The following DENND11 variants were observed in gnomAD, a reference collection of about 807,000 sequenced individuals.
DENND11 encodes DENN domain containing 11.
Under a neutral mutation model 49.2 loss-of-function variants are expected in DENND11, and 34 were observed. The observed-to-expected ratio is 0.69, with a 90% CI of 0.53 to 0.92. The LOEUF is 0.92. Ranked by LOEUF, DENND11 falls within the 40% of genes least tolerant of loss-of-function variation. The pLI is 0.00. For synonymous variants in DENND11, 238 were observed against 230.3 expected, an observed-to-expected ratio of 1.03 and a Z score of -0.30; for missense variants, 475 against 581.6, an observed-to-expected ratio of 0.82 and a Z score of 1.88.
chr7:141,695,197 G>A (rs1005957841), intron 1 of DENND11, among the ~76,000 whole-genome samples: 1 of 151,912 alleles, frequency 6.6e-6, no homozygotes, highest in Non-Finnish European at 1.5e-5. Flanking sequence ...TATATTTCAT[G>A]TTATAGGGGA....
chr7:141,664,720 C>T (rs895006460), intron 7 of DENND11, among the ~76,000 whole-genome samples, 184 bp downstream of exon 7: 2 of 152,190 alleles, frequency 1.3e-5, no homozygotes, highest in Non-Finnish European at 2.9e-5. Context: ...ATCAGGGCAG[C>T]ATACAGGGAG....
At chr7:141,670,964 C>T (rs1562997154) in intron 4 of DENND11, among the ~76,000 whole-genome samples, 1 of 152,158 alleles carries the variant, frequency 6.6e-6, no homozygotes, top group Non-Finnish European at 1.5e-5. Context: ...CCTGCAAATA[C>T]CAAGGAATGA....
intron 7 of DENND11, 45 bp from the exon 8 acceptor site, chr7:141,664,285 C>G (rs757896935): frequency 6.7e-7 from 1 of 1,495,814 alleles, no homozygotes. Flanking sequence ...GTACCAGGAC[C>G]GCAGTCACAG....
Position 141,666,267 on chromosome 7 carries a change from T to G in DENND11, c.820+20A>C. ...GCTCCAGGGATTTAAGCAGCACTCCTGACTCTGGCTTCTGGTTACCTCTAT... is the reference window on the plus strand; with the variant it reads ...GCTCCAGGGATTTAAGCAGCACTCCGGACTCTGGCTTCTGGTTACCTCTAT... On this transcript the variant is annotated intron_variant, in intron 5 of 8. Transcript: ENST00000536163. 6.3e-7 allele frequency: 1 copy of G among 1,580,554 alleles called. No homozygotes were observed. Among genetic ancestry groups the G allele is most frequent in the Non-Finnish European group, 8.6e-7 (1 of 1,157,834 alleles).
chr7:141,662,379 G>C lies in DENND11; in HGVS notation c.*277C>G, dbSNP rs919862235. ...TTCCAGAGCTCAGCCTACTCCTAGT[G>C]ATACAACTCCCATGACCAAGCCCAG... On this transcript the variant is annotated 3_prime_UTR_variant, in exon 9 of 9. Coordinates refer to ENST00000536163, the MANE Select transcript of DENND11 (RefSeq NM_001080392.2). 2.9e-5 allele frequency: 11 copies of C among 372,960 alleles called. No individual in the cohort carries two copies. The highest frequency in any genetic ancestry group is 5.2e-5 in the Non-Finnish European group (11 of 210,326). 23.1% of individuals were successfully genotyped at this position (372,960 alleles called of 1,614,324 possible).
Position 141,702,061 on chromosome 7 carries a change from G to A in DENND11, c.93C>T (p.Gly31=), listed in dbSNP as rs1798530876. ...CGCCCCCGCCGCCGCCCCGGCCCCA[G>A]CCTCCCGCCTGCGGCTGCGGGGCCT... ...LPQAPQPQAG[G]WGRGGGGGAR... Residue 31 remains glycine (G), a synonymous_variant, in exon 1 of 9, where the codon GGC becomes GGT. Coordinates refer to ENST00000536163, the MANE Select transcript of DENND11 (RefSeq NM_001080392.2). 1 of 989,930 alleles carries A rather than the reference G, an allele frequency of 1.0e-6. No homozygotes were observed. Among genetic ancestry groups the A allele is most frequent in the African/African-American group, 1.8e-5 (1 of 56,884 alleles). 61.3% of individuals were successfully genotyped at this position (989,930 alleles called of 1,614,324 possible). A position where few individuals can be genotyped will look rare whatever the true frequency, so the allele number is the denominator to read the frequency against.
chr7:141,695,649 C>T (rs1375610353), intron 1 of DENND11, among the ~76,000 whole-genome samples: 6 of 152,230 alleles, frequency 3.9e-5, no homozygotes, highest in African/African-American at 1.4e-4. Context: ...CAGATATCCT[C>T]ACTGTATTAA....
chr7:141,664,099 TG>T, intron 8 of DENND11, 72 bp downstream of exon 8: 1 of 1,227,032 alleles, frequency 8.1e-7, no homozygotes. Flanking sequence ...GTGAATGACA[TG>T]GGAGGGATGC....
intron 1 of DENND11, among the ~76,000 whole-genome samples, chr7:141,700,563 A>C (rs1226660887): frequency 2.0e-5 from 3 of 152,098 alleles, no homozygotes; most frequent in Non-Finnish European, 4.4e-5. Context: ...TTTCAGTTAC[A>C]TAAGTACTGT....
chr7:141,685,725 G>A, intron 2 of DENND11, 89 bp from the exon 3 acceptor site: 3 of 1,389,416 alleles, frequency 2.2e-6, no homozygotes, highest in African/African-American at 1.4e-5. Context: ...CTGTGTTCGG[G>A]GCTGTCAATG....
intron 1 of DENND11, among the ~76,000 whole-genome samples, chr7:141,690,259 T>A (rs962835471): frequency 6.6e-6 from 1 of 152,184 alleles, no homozygotes; most frequent in Non-Finnish European, 1.5e-5. Context: ...CTAAGCCAGG[T>A]GTATGTTTAG....
chr7:141,701,679 C>A, intron 1 of DENND11: 2 of 310,838 alleles, frequency 6.4e-6, no homozygotes, highest in Non-Finnish European at 1.1e-5. Context: ...AGAGGCCGCG[C>A]GCCAGCACCC....
At chr7:141,684,682 T>TATA (rs1385728990) in intron 3 of DENND11, among the ~76,000 whole-genome samples, 2 of 152,132 alleles carry the variant, frequency 1.3e-5, no homozygotes, top group Non-Finnish European at 2.9e-5. Context: ...AAGTATAGAC[T>TATA]ATAAAAGAGG....
rs1797718682 is a variant in DENND11 at position 141,657,654 on chromosome 7, T to C, written c.*5002A>G. The C allele has an allele frequency of 6.6e-6, 1 of 152,242 alleles. No homozygotes were observed. The highest frequency in any genetic ancestry group is 1.5e-5 in the Non-Finnish European group (1 of 68,036). 9.4% of individuals were successfully genotyped at this position (152,242 alleles called of 1,614,324 possible). A position where few individuals can be genotyped will look rare whatever the true frequency, so the allele number is the denominator to read the frequency against. On this transcript the variant is annotated 3_prime_UTR_variant, in exon 9 of 9. Coordinates refer to ENST00000536163, the MANE Select transcript of DENND11 (RefSeq NM_001080392.2). The stretch of plus-strand genomic sequence containing the variant: ...TAAGTAATTCACACCTGGCCTACTA[T>C]GAAAATTAAATTTTCTGAATTTAGA...
chr7:141,701,621 G>GGGAGA (rs1170875414), intron 1 of DENND11: 9 of 235,348 alleles, frequency 3.8e-5, no homozygotes, highest in Non-Finnish European at 7.4e-5. Flanking sequence ...AGGAGGGGAG[G>GGGAGA]GGAGAGGAGG....
At chr7:141,701,403 C>A (rs1798512247) in intron 1 of DENND11, among the ~76,000 whole-genome samples, 1 of 11,862 alleles carries the variant, frequency 8.4e-5, no homozygotes, top group Non-Finnish European at 1.7e-4. Context: ...GAGCGGGGAG[C>A]GGGGGACGGG....
chr7:141,663,907 C>T, intron 8 of DENND11: 1 of 430,666 alleles, frequency 2.3e-6, no homozygotes, highest in East Asian at 3.3e-5. Flanking sequence ...CAGTGGACAT[C>T]CTCGATGTAA....
rs527445916 is a variant in DENND11 at position 141,677,487 on chromosome 7, A to G, written c.528-3267T>C. 5.7e-4 allele frequency among the ~76,000 whole-genome samples: 79 copies of G among 137,740 alleles called. 1 individual carries two copies. The Middle Eastern group carries it at 0.011, about 20-fold the overall frequency. The allele number at this position is 137,740 out of a possible 152,430, so 90.4% of individuals were successfully genotyped here. Reference sequence around the variant, plus strand: ...TGTATATATATTTATATATATTTATATGTGTGTGTGTGTGTGTATATATAT... The same window carrying G: ...TGTATATATATTTATATATATTTATGTGTGTGTGTGTGTGTGTATATATAT... On this transcript the variant is annotated intron_variant, in intron 3 of 8. Coordinates refer to ENST00000536163, the MANE Select transcript of DENND11 (RefSeq NM_001080392.2).
At chr7:141,699,853 C>T (rs1798477375) in intron 1 of DENND11, among the ~76,000 whole-genome samples, 1 of 152,094 alleles carries the variant, frequency 6.6e-6, no homozygotes, top group Non-Finnish European at 1.5e-5. Context: ...AATGCCTGCA[C>T]AAAATGTCTA....
Sources: gnomAD v4.1 joint callset for allele counts (sites outside exome capture counted in the v4.1 genomes callset) on GRCh38, gnomAD v4.1.1 for gene constraint, MANE v1.5 for transcripts, NCBI Gene and HGNC (gene_info 2026-07-23, HGNC 2026-07-21) for gene names.